The following GLIS1 variants were observed in gnomAD, a reference collection of about 807,000 sequenced individuals.
The protein encoded by GLIS1 is GLIS family zinc finger 1.
Under a neutral mutation model 63.8 loss-of-function variants are expected in GLIS1, and 24 were observed. The ratio of observed to expected loss-of-function variants is 0.38; its 90% CI spans 0.27 to 0.53. The LOEUF (loss-of-function observed/expected upper bound fraction) is 0.53. Among genes scored for constraint, GLIS1 ranks in the 20% least tolerant of loss-of-function variants. The pLI is 0.85. For missense variants in GLIS1, 1,036 were observed against 1,074.1 expected, an observed-to-expected ratio of 0.96 and a Z score of 0.50; for synonymous variants, 450 against 482.5, an observed-to-expected ratio of 0.93 and a Z score of 0.88.
At chr1:53,544,008 G>A (rs1428391048) in intron 4 of GLIS1, among the ~76,000 whole-genome samples, 8 of 152,310 alleles carry the variant, frequency 5.3e-5, no homozygotes, top group Admixed American at 1.3e-4. Context: ...AAGGGGTGGC[G>A]GGAGGAGCCG....
At position 53,599,726 on chromosome 1, in the gene GLIS1, G is replaced by A. The variant is rs568114882; in HGVS notation, c.437+375C>T. 2.6e-5 allele frequency among the ~76,000 whole-genome samples: 4 copies of A among 152,340 alleles called. No homozygotes were observed. The East Asian group carries it at 7.7e-4, about 29-fold the overall frequency. ...GGGCTCTGTGGGCCATGGTCTCCTG[G>A]GGCAGAGATGGTATGTGGGAGGAAT... On this transcript the variant is annotated intron_variant, in intron 3 of 10. Transcript: ENST00000628545.
At chr1:53,543,395 T>C (rs1029121622) in intron 4 of GLIS1, among the ~76,000 whole-genome samples, 6 of 152,164 alleles carry the variant, frequency 3.9e-5, no homozygotes, top group Non-Finnish European at 8.8e-5. Context: ...CGTAATCGCC[T>C]TTCCTAGATG....
chr1:53,635,197 A>T (rs1006315706), intron 2 of GLIS1, among the ~76,000 whole-genome samples: 1 of 152,104 alleles, frequency 6.6e-6, no homozygotes, highest in Non-Finnish European at 1.5e-5. Context: ...GAGCAAGTGA[A>T]AGGAGGGTCC....
chr1:53,721,902 C>G (rs17388507), intron 2 of GLIS1, among the ~76,000 whole-genome samples: 21,977 of 152,032 alleles, frequency 0.14, 2,134 homozygotes, highest in Non-Finnish European at 0.22. Context: ...ATATTAGTAA[C>G]AAATATGATG....
chr1:53,570,338 T>C (rs1221841308), intron 4 of GLIS1, among the ~76,000 whole-genome samples: 1 of 151,460 alleles, frequency 6.6e-6, no homozygotes, highest in Non-Finnish European at 1.5e-5. Context: ...CCCAGACTGG[T>C]CTCAAACTCC....
chr1:53,701,163 T>C (rs1646518947), intron 2 of GLIS1, among the ~76,000 whole-genome samples: 1 of 152,166 alleles, frequency 6.6e-6, no homozygotes, highest in Non-Finnish European at 1.5e-5. Flanking sequence ...GGTCAAATGG[T>C]AACTATGTCA....
intron 4 of GLIS1, among the ~76,000 whole-genome samples, chr1:53,536,933 G>A (rs1369520910): frequency 6.6e-6 from 1 of 151,076 alleles, no homozygotes; most frequent in Non-Finnish European, 1.5e-5. Context: ...CATGTGGGGT[G>A]TGTTACAGCA....
chr1:53,661,808 G>C (rs1270583515), intron 2 of GLIS1, among the ~76,000 whole-genome samples: 1 of 152,202 alleles, frequency 6.6e-6, no homozygotes, highest in Non-Finnish European at 1.5e-5. Flanking sequence ...CTACAGATCA[G>C]GACTGGGGAC....
intron 4 of GLIS1, among the ~76,000 whole-genome samples, chr1:53,578,661 C>G (rs781330917): frequency 1.3e-5 from 2 of 152,144 alleles, no homozygotes; most frequent in African/African-American, 4.8e-5. Flanking sequence ...GGAAAATATA[C>G]GATTCAATCA....
At chr1:53,720,107 C>A (rs1156350657) in intron 2 of GLIS1, among the ~76,000 whole-genome samples, 2 of 152,172 alleles carry the variant, frequency 1.3e-5, no homozygotes, top group Non-Finnish European at 2.9e-5. Context: ...ATCCAGGAAC[C>A]AGAGGTTGCA....
rs571260983 is a variant in GLIS1, at chr1:53,692,927, A to G, written c.259+44879T>C. Among the ~76,000 whole-genome samples, 17 of 152,322 alleles carry G rather than the reference A, an allele frequency of 1.1e-4. No individual in the cohort carries two copies. In the South Asian group the frequency reaches 2.9e-3, roughly 26 times the overall value. ...ACTGGCTGGACTGGCCTCTCTGTCAATGGACTCCCAGGGGCCCATCCCATC... is the reference window on the plus strand; with the variant it reads ...ACTGGCTGGACTGGCCTCTCTGTCAGTGGACTCCCAGGGGCCCATCCCATC... On this transcript the variant is annotated intron_variant, in intron 2 of 10. Transcript: ENST00000628545.
chr1:53,633,095 G>A (rs1326146758), intron 2 of GLIS1, among the ~76,000 whole-genome samples: 1 of 148,382 alleles, frequency 6.7e-6, no homozygotes, highest in African/African-American at 2.5e-5. Flanking sequence ...GAATGAGTGT[G>A]ACTGAGGGGT....
intron 3 of GLIS1, among the ~76,000 whole-genome samples, chr1:53,597,407 T>C (rs920784164): frequency 2.4e-4 from 35 of 147,892 alleles, no homozygotes; most frequent in African/African-American, 8.7e-4. Context: ...TGGGGTGTAG[T>C]GCACAGTAAG....
At position 53,693,751 on chromosome 1, in the gene GLIS1, G is replaced by A. The variant is rs192873938; in HGVS notation, c.259+44055C>T. Among the ~76,000 whole-genome samples, 78 of 152,266 alleles carry A rather than the reference G, an allele frequency of 5.1e-4. No individual in the cohort carries two copies. In the East Asian group the frequency reaches 0.011, roughly 21 times the overall value. On this transcript the variant is annotated intron_variant, in intron 2 of 10. Transcript: ENST00000628545. ...GCAGGAAGCCCGGGATGTCGAGGCC[G>A]GGCTCTGTTACCACCGCACTGGGTG...
chr1:53,569,621 T>C (rs1047413103), intron 4 of GLIS1, among the ~76,000 whole-genome samples: 1 of 152,020 alleles, frequency 6.6e-6, no homozygotes, highest in Non-Finnish European at 1.5e-5. Flanking sequence ...CTGAAAAAGA[T>C]AAAACAAAGT....
chr1:53,679,234 C>T (rs1238314495), intron 2 of GLIS1, among the ~76,000 whole-genome samples: 1 of 152,224 alleles, frequency 6.6e-6, no homozygotes, highest in Non-Finnish European at 1.5e-5. Flanking sequence ...GAGGTGGCAG[C>T]CACAAATGCC....
intron 8 of GLIS1, among the ~76,000 whole-genome samples, chr1:53,513,174 C>A (rs1304916345): frequency 6.6e-6 from 1 of 152,140 alleles, no homozygotes; most frequent in Non-Finnish European, 1.5e-5. Context: ...CTCCTCCTCT[C>A]CCTGCCCAGC....
chr1:53,572,433 C>T (rs1223565128), intron 4 of GLIS1, among the ~76,000 whole-genome samples: 1 of 152,138 alleles, frequency 6.6e-6, no homozygotes. Context: ...ACCCAGACAC[C>T]CCATCCACCT....
chr1:53,577,604 C>A (rs1484719110), intron 4 of GLIS1, among the ~76,000 whole-genome samples: 1 of 152,200 alleles, frequency 6.6e-6, no homozygotes, highest in Admixed American at 6.5e-5. Flanking sequence ...CAGGCCTGGC[C>A]AGTGGGTTGC....
Sources: gnomAD v4.1 joint callset for allele counts (sites outside exome capture counted in the v4.1 genomes callset) on GRCh38, gnomAD v4.1.1 for gene constraint, MANE v1.5 for transcripts, NCBI Gene and HGNC (gene_info 2026-07-23, HGNC 2026-07-21) for gene names.